The following TBXAS1 variants were observed in gnomAD, a reference collection of about 807,000 sequenced individuals.
TBXAS1 encodes the protein thromboxane-A synthase.
TBXAS1 carries 48 observed loss-of-function variants against 60.7 expected under a neutral mutation model. The observed-to-expected ratio is 0.79, with a 90% CI of 0.63 to 1.01. TBXAS1 has a LOEUF of 1.01. TBXAS1 is among the 50% of genes least tolerant of loss of function. The pLI is 0.00. For synonymous variants in TBXAS1, 287 were observed against 269.7 expected, an observed-to-expected ratio of 1.06 and a Z score of -0.63; for missense variants, 685 against 686.3, an observed-to-expected ratio of 1.00 and a Z score of 0.02.
At chr7:139,881,549 T>C (rs1802702552) in intron 3 of TBXAS1, among the ~76,000 whole-genome samples, 1 of 152,198 alleles carries the variant, frequency 6.6e-6, no homozygotes, top group South Asian at 2.1e-4. Flanking sequence ...TTCCTAGGTG[T>C]ATTTCTGATT....
chr7:139,980,548 T>C (rs1811888050), intron 9 of TBXAS1, among the ~76,000 whole-genome samples: 1 of 152,124 alleles, frequency 6.6e-6, no homozygotes, highest in Non-Finnish European at 1.5e-5. Context: ...TTGGAATTTC[T>C]CTTCCTTAGT....
At position 140,004,400 on chromosome 7, in the gene TBXAS1, C is replaced by G. The variant is rs1813902970; in HGVS notation, c.1135-2691C>G. On this transcript the variant is annotated intron_variant, in intron 9 of 12. Transcript: ENST00000448866. The surrounding 1 kb of genome is among the most constrained non-coding windows in gnomAD (Gnocchi z 5.1). ...TGTTAAATTATTAGCAAGCATTTTACCATTCATCTTTATATCAAACAATGC... is the reference window on the plus strand; with the variant it reads ...TGTTAAATTATTAGCAAGCATTTTAGCATTCATCTTTATATCAAACAATGC... Among the ~76,000 whole-genome samples the G allele has an allele frequency of 6.6e-6, 1 of 152,204 alleles. No homozygotes were observed. Among genetic ancestry groups the G allele is most frequent in the South Asian group, 2.1e-4 (1 of 4,830 alleles).
intron 1 of TBXAS1, among the ~76,000 whole-genome samples, chr7:139,851,896 A>G (rs1277845718): frequency 6.6e-6 from 1 of 152,218 alleles, no homozygotes; most frequent in Non-Finnish European, 1.5e-5. Flanking sequence ...TAGCATGACC[A>G]GTGGAATACA....
intron 5 of TBXAS1, among the ~76,000 whole-genome samples, chr7:139,941,609 C>T (rs1441532812): frequency 6.6e-6 from 1 of 152,146 alleles, no homozygotes; most frequent in African/African-American, 2.4e-5. Flanking sequence ...GGAAAAACAA[C>T]TGACTTTTTG....
chr7:140,015,459 G>C lies in TBXAS1; in HGVS notation c.1227-264G>C, dbSNP rs570794964. ...TGCTTGACAAATGGATGCATGAAGG[G>C]ATGGATGAGTACATTTTCATCAAGG... On this transcript the variant is annotated intron_variant, in intron 10 of 12. Coordinates refer to ENST00000448866, the MANE Select transcript of TBXAS1 (RefSeq NM_001061.7). Among the ~76,000 whole-genome samples the C allele has an allele frequency of 1.3e-4, 20 of 152,284 alleles. 1 individual carries two copies. The highest frequency in any genetic ancestry group is 4.8e-4 in the African/African-American group (20 of 41,536).
intron 4 of TBXAS1, among the ~76,000 whole-genome samples, chr7:139,935,781 A>G (rs544022533): frequency 1.6e-4 from 25 of 151,858 alleles, no homozygotes; most frequent in African/African-American, 6.1e-4. Flanking sequence ...TAACCAATCC[A>G]GTCACACAAA....
intron 5 of TBXAS1, among the ~76,000 whole-genome samples, chr7:139,942,249 C>A (rs192232892): frequency 6.6e-6 from 1 of 152,166 alleles, no homozygotes; most frequent in South Asian, 2.1e-4. Flanking sequence ...TGAAATATTA[C>A]AAACTATATT....
chr7:140,019,976 T>A (rs1456954938), intron 12 of TBXAS1, 49 bp from the exon 13 acceptor site: 2 of 1,565,464 alleles, frequency 1.3e-6, no homozygotes, highest in Non-Finnish European at 1.8e-6. Flanking sequence ...ATTTGTACAG[T>A]GAGATGCTAC....
chr7:139,781,190 C>A (rs547678871), intron 2 of TBXAS1, among the ~76,000 whole-genome samples: 1 of 152,180 alleles, frequency 6.6e-6, no homozygotes, highest in Non-Finnish European at 1.5e-5. Flanking sequence ...TAGCGAAGTT[C>A]GTATGATATA....
At chr7:139,991,769 T>C (rs1045463003) in intron 9 of TBXAS1, among the ~76,000 whole-genome samples, 2 of 152,132 alleles carry the variant, frequency 1.3e-5, no homozygotes, top group Admixed American at 1.3e-4. Flanking sequence ...AGCAGCCCCA[T>C]AGCAGAGATA....
intron 1 of TBXAS1, among the ~76,000 whole-genome samples, chr7:139,868,462 AATTTATTTATTT>A (rs57162964): frequency 1.3e-5 from 2 of 150,324 alleles, no homozygotes; most frequent in Admixed American, 6.6e-5. Flanking sequence ...GAAACTCCAG[AATTTATTTATTT>A]ATTTATTTAT....
chr7:139,810,961 T>A (rs1007698355), intron 4 of TBXAS1, among the ~76,000 whole-genome samples: 1 of 152,264 alleles, frequency 6.6e-6, no homozygotes, highest in African/African-American at 2.4e-5. Flanking sequence ...GTAGGAATTA[T>A]ATGTTTCTGA....
chr7:139,784,698 T>C (rs1248023118), intron 3 of TBXAS1, among the ~76,000 whole-genome samples: 1 of 152,218 alleles, frequency 6.6e-6, no homozygotes, highest in Admixed American at 6.5e-5. Flanking sequence ...CTGAAGAACT[T>C]ATACTTTATT....
At chr7:139,862,689 C>T (rs899796419) in intron 1 of TBXAS1, among the ~76,000 whole-genome samples, 2 of 152,074 alleles carry the variant, frequency 1.3e-5, no homozygotes, top group African/African-American at 4.8e-5. Flanking sequence ...ATCAATGCAA[C>T]AGGAAGGAAC....
intron 3 of TBXAS1, among the ~76,000 whole-genome samples, chr7:139,892,891 G>A (rs564462471): frequency 3.9e-5 from 6 of 152,142 alleles, no homozygotes; most frequent in South Asian, 2.1e-4. Flanking sequence ...GGACTCCTCC[G>A]CCTGGGTAAG....
intron 1 of TBXAS1, among the ~76,000 whole-genome samples, chr7:139,840,907 G>A (rs1246681210): frequency 6.6e-6 from 1 of 152,210 alleles, no homozygotes; most frequent in East Asian, 1.9e-4. Context: ...TGCCAGGCAT[G>A]AGCAGCTGGT....
intron 4 of TBXAS1, among the ~76,000 whole-genome samples, chr7:139,804,366 A>G (rs1477910464): frequency 2.0e-5 from 3 of 152,204 alleles, no homozygotes; most frequent in African/African-American, 7.2e-5. Context: ...CATTGTATCT[A>G]GGAAATAACT....
chr7:139,786,705 T>C (rs1190239896), intron 3 of TBXAS1, among the ~76,000 whole-genome samples: 1 of 152,232 alleles, frequency 6.6e-6, no homozygotes, highest in Non-Finnish European at 1.5e-5. Flanking sequence ...AAGTAAATTA[T>C]GATTGGTTTA....
At chr7:140,006,466 T>C (rs77639391) in intron 9 of TBXAS1, among the ~76,000 whole-genome samples, 1,610 of 152,326 alleles carry the variant, frequency 0.011, 37 homozygotes, top group African/African-American at 0.036. Context: ...TGGAATCTCA[T>C]TGGAACTTGC....
Sources: gnomAD v4.1 joint callset for allele counts (sites outside exome capture counted in the v4.1 genomes callset) on GRCh38, gnomAD v4.1.1 for gene constraint, Gnocchi (gnomAD v3.1) non-coding constraint, MANE v1.5 for transcripts, NCBI Gene and HGNC (gene_info 2026-07-23, HGNC 2026-07-21) for gene names.